CSNK2A2IP: variants seen among roughly 807,000 people sequenced by gnomAD.
CSNK2A2IP encodes casein kinase 2 subunit alpha' interacting protein, also known as casein kinase II subunit alpha'-interacting protein.
chr3:88,446,068 TTCTTTCTTTC>T, the CSNK2A2IP span, among the ~76,000 whole-genome samples: 1 of 143,930 alleles, frequency 6.9e-6, no homozygotes, highest in Non-Finnish European at 1.5e-5. Flanking sequence ...CTTTCTTTCT[TTCTTTCTTTC>T]TTTCTTTCTT....
chr3:88,388,619 G>C, the CSNK2A2IP span, among the ~76,000 whole-genome samples: 5 of 152,156 alleles, frequency 3.3e-5, no homozygotes, highest in African/African-American at 1.2e-4. Context: ...AGTGAAAAAA[G>C]TTGGTTTATT....
chr3:88,453,320 C>A, the CSNK2A2IP span, among the ~76,000 whole-genome samples: 439 of 152,104 alleles, frequency 2.9e-3, 2 homozygotes, highest in African/African-American at 9.9e-3. Context: ...GTTTGGCAGG[C>A]AGGGGTTGAT....
chr3:88,456,866 A>G, the CSNK2A2IP span, among the ~76,000 whole-genome samples: 2 of 152,064 alleles, frequency 1.3e-5, no homozygotes, highest in Non-Finnish European at 2.9e-5. Context: ...CTGTTTTTTA[A>G]TAAGACTTGA....
At chr3:88,453,010 A>T in the CSNK2A2IP span, among the ~76,000 whole-genome samples, 1 of 152,134 alleles carries the variant, frequency 6.6e-6, no homozygotes, top group Non-Finnish European at 1.5e-5. Context: ...GTGGGTTTAT[A>T]TTTGTATAAA....
At chr3:88,425,400 T>C in the CSNK2A2IP span, among the ~76,000 whole-genome samples, 2 of 152,092 alleles carry the variant, frequency 1.3e-5, no homozygotes, top group African/African-American at 4.8e-5. Context: ...TACATAAGAG[T>C]AATAAAAATA....
At chr3:88,428,409 T>C in the CSNK2A2IP span, among the ~76,000 whole-genome samples, 2 of 152,072 alleles carry the variant, frequency 1.3e-5, no homozygotes, top group African/African-American at 2.4e-5. Context: ...AAGGGCATGA[T>C]TGTGTTTTAA....
the CSNK2A2IP span, among the ~76,000 whole-genome samples, chr3:88,418,463 T>TGCGGCGC: frequency 6.7e-6 from 1 of 149,536 alleles, no homozygotes; most frequent in Non-Finnish European, 1.5e-5. Flanking sequence ...TGTGTGTGTG[T>TGCGGCGC]GCGCGCGGGC....
chr3:88,350,671 C>T, the CSNK2A2IP span, among the ~76,000 whole-genome samples: 1 of 151,124 alleles, frequency 6.6e-6, no homozygotes, highest in African/African-American at 2.4e-5. Context: ...ATCAGACTAT[C>T]CTTCATCTTT....
At chr3:88,345,827 G>C in the CSNK2A2IP span, among the ~76,000 whole-genome samples, 4 of 152,038 alleles carry the variant, frequency 2.6e-5, no homozygotes, top group African/African-American at 9.6e-5. Context: ...GAAAGGAAGA[G>C]CTGCACGTCT....
At chr3:88,426,069 A>T in the CSNK2A2IP span, among the ~76,000 whole-genome samples, 2 of 152,194 alleles carry the variant, frequency 1.3e-5, no homozygotes, top group East Asian at 3.9e-4. Context: ...TTCACATAAC[A>T]AATGCCCATT....
At chr3:88,390,300 A>G in the CSNK2A2IP span, among the ~76,000 whole-genome samples, 1 of 152,204 alleles carries the variant, frequency 6.6e-6, no homozygotes, top group African/African-American at 2.4e-5. Context: ...AGCATTAAGC[A>G]TTTTGGTAAA....
chr3:88,386,943 G>A, the CSNK2A2IP span, among the ~76,000 whole-genome samples: 3,630 of 152,250 alleles, frequency 0.024, 63 homozygotes, highest in South Asian at 0.041. Context: ...AGATGGATGG[G>A]AGATCTGGGA....
the CSNK2A2IP span, among the ~76,000 whole-genome samples, chr3:88,372,633 A>G: frequency 6.6e-6 from 1 of 151,438 alleles, no homozygotes; most frequent in South Asian, 2.1e-4. Flanking sequence ...AGGCATATTG[A>G]TTAATTACCT....
the CSNK2A2IP span, among the ~76,000 whole-genome samples, chr3:88,463,464 G>A: frequency 7.9e-5 from 12 of 152,146 alleles, no homozygotes; most frequent in Admixed American, 1.3e-4. Context: ...TTTAAAAATC[G>A]TAAACATCGC....
chr3:88,434,563 A>G, the CSNK2A2IP span, among the ~76,000 whole-genome samples: 4 of 152,156 alleles, frequency 2.6e-5, no homozygotes, highest in Non-Finnish European at 5.9e-5. Context: ...CTAGGCCTCG[A>G]CCAAGCATCT....
At chr3:88,467,351 G>A in the CSNK2A2IP span, 5 of 397,076 alleles carry the variant, frequency 1.3e-5, no homozygotes, top group Admixed American at 4.4e-5. Context: ...ACTCTCTCAC[G>A]TCCTGTATTC....
the CSNK2A2IP span, among the ~76,000 whole-genome samples, chr3:88,388,544 T>A: frequency 6.6e-6 from 1 of 152,188 alleles, no homozygotes; most frequent in Non-Finnish European, 1.5e-5. Flanking sequence ...GAATCTATTA[T>A]CTAATTAAAT....
chr3:88,443,759 C>A, the CSNK2A2IP span, among the ~76,000 whole-genome samples: 8 of 152,158 alleles, frequency 5.3e-5, no homozygotes, highest in African/African-American at 1.9e-4. Flanking sequence ...ACGGTTGTTG[C>A]AGAATAGCAG....
the CSNK2A2IP span, among the ~76,000 whole-genome samples, chr3:88,463,545 G>GA: frequency 6.6e-6 from 1 of 152,012 alleles, no homozygotes; most frequent in Non-Finnish European, 1.5e-5. Flanking sequence ...AAAAACACAT[G>GA]AAAAAATGCT....
Sources: allele counts gnomAD v4.1 joint callset (sites outside exome capture counted in the v4.1 genomes callset), GRCh38; gene constraint gnomAD v4.1.1; transcripts MANE v1.5; gene names NCBI Gene and HGNC (gene_info 2026-07-23, HGNC 2026-07-21).